Variants in ABCC4 observed in about 807,000 individuals in gnomAD.
The protein encoded by ABCC4 is ATP-binding cassette sub-family C member 4.
Under a neutral mutation model 168.5 loss-of-function variants are expected in ABCC4, and 102 were observed. The observed-to-expected ratio is 0.61, with a 90% CI of 0.52 to 0.71. The LOEUF is 0.71. Ranked by LOEUF, ABCC4 falls within the 30% of genes least tolerant of loss-of-function variation. ABCC4 has a pLI of 0.00. For missense variants in ABCC4, 1,402 were observed against 1,605.8 expected (o/e 0.87, Z 2.17); for synonymous variants, 617 against 590.7 (o/e 1.04, Z -0.65).
At chr13:95,298,599 C>A (rs2041596974) in intron 1 of ABCC4, among the ~76,000 whole-genome samples, 1 of 152,192 alleles carries the variant, frequency 6.6e-6, no homozygotes, top group African/African-American at 2.4e-5. Context: ...ATAGTTGTTA[C>A]ACATGCATCA....
chr13:95,202,923 G>A (rs1354327123), intron 8 of ABCC4, among the ~76,000 whole-genome samples: 5 of 152,180 alleles, frequency 3.3e-5, no homozygotes, highest in Admixed American at 2.6e-4. Flanking sequence ...GCCTCCAAAA[G>A]TGCTGGGATT....
At chr13:95,098,804 A>G (rs943848116) in intron 20 of ABCC4, among the ~76,000 whole-genome samples, 1 of 152,206 alleles carries the variant, frequency 6.6e-6, no homozygotes, top group Non-Finnish European at 1.5e-5. Context: ...CTCAATATTA[A>G]TCATCAAGGC....
intron 19 of ABCC4, among the ~76,000 whole-genome samples, chr13:95,116,215 G>T (rs1298457248): frequency 6.6e-6 from 1 of 152,170 alleles, no homozygotes; most frequent in East Asian, 1.9e-4. Flanking sequence ...GCAGGGAGTT[G>T]AAATGTGGCC....
chr13:95,289,753 T>C (rs1008187310), intron 1 of ABCC4, among the ~76,000 whole-genome samples: 2 of 152,184 alleles, frequency 1.3e-5, no homozygotes, highest in Non-Finnish European at 2.9e-5. Context: ...AAGCAGTTGA[T>C]CAGTGGTTCT....
chr13:95,054,829 T>C (rs1240868539), intron 26 of ABCC4, among the ~76,000 whole-genome samples: 1 of 152,136 alleles, frequency 6.6e-6, no homozygotes, highest in Non-Finnish European at 1.5e-5. Context: ...GGTAGACTTC[T>C]TTTTTCTCCA....
At chr13:95,194,144 G>C (rs1045697607) in intron 9 of ABCC4, among the ~76,000 whole-genome samples, 3 of 152,200 alleles carry the variant, frequency 2.0e-5, no homozygotes, top group African/African-American at 7.2e-5. Flanking sequence ...TACTTCTTGT[G>C]GGTGGCCCCT....
At chr13:95,121,653 C>T (rs2035575738) in intron 19 of ABCC4, among the ~76,000 whole-genome samples, 1 of 152,054 alleles carries the variant, frequency 6.6e-6, no homozygotes, top group Admixed American at 6.5e-5. Flanking sequence ...AAGCAATCTG[C>T]TCACCTCTGC....
intron 4 of ABCC4, among the ~76,000 whole-genome samples, chr13:95,218,908 AG>A (rs2039204498): frequency 6.0e-5 from 2 of 33,222 alleles, no homozygotes; most frequent in Non-Finnish European, 1.4e-4. Flanking sequence ...AGAGAGAAAG[AG>A]AGAGAGAGAG....
chr13:95,212,640 T>C (rs1669903396), intron 4 of ABCC4, among the ~76,000 whole-genome samples: 1 of 152,144 alleles, frequency 6.6e-6, no homozygotes, highest in African/African-American at 2.4e-5. Flanking sequence ...GGAGGGCTAC[T>C]TGTAAGTCGT....
intron 26 of ABCC4, among the ~76,000 whole-genome samples, chr13:95,057,438 C>T (rs2033106309): frequency 6.6e-6 from 1 of 152,160 alleles, no homozygotes; most frequent in Non-Finnish European, 1.5e-5. Context: ...CGGGGTTTTA[C>T]CATGTTGGCC....
intron 14 of ABCC4, among the ~76,000 whole-genome samples, chr13:95,169,799 G>A (rs1048925110): frequency 6.6e-6 from 1 of 152,196 alleles, no homozygotes; most frequent in Non-Finnish European, 1.5e-5. Context: ...AGGAAAGTGG[G>A]TGCTGTGACT....
Position 95,071,651 on chromosome 13 carries a change from T to C in ABCC4, c.3210+11A>G. ...CTGAAATTGAGAAGAGGCAAGATGC[T>C]TTAAACAAACCTTTTCTTGTGATTT... is the stretch of plus-strand genomic sequence containing the variant. On this transcript the variant is annotated intron_variant, in intron 25 of 30. Transcript: ENST00000645237. 7.1e-7 allele frequency: 1 copy of C among 1,411,550 alleles called. No individual in the cohort carries two copies. Among genetic ancestry groups the C allele is most frequent in the Non-Finnish European group, 9.3e-7 (1 of 1,077,168 alleles). 87.4% of individuals were successfully genotyped at this position (1,411,550 alleles called of 1,614,324 possible).
At chr13:95,185,245 G>A (rs564359748) in intron 11 of ABCC4, among the ~76,000 whole-genome samples, 1 of 152,134 alleles carries the variant, frequency 6.6e-6, no homozygotes, top group African/African-American at 2.4e-5. Flanking sequence ...GTGTGAGCGT[G>A]TGAGACAGAG....
intron 14 of ABCC4, among the ~76,000 whole-genome samples, chr13:95,168,325 T>G: frequency 6.6e-6 from 1 of 151,858 alleles, no homozygotes; most frequent in South Asian, 2.1e-4. Flanking sequence ...CCTGGGGGAG[T>G]GGGGAAGAGC....
intron 14 of ABCC4, among the ~76,000 whole-genome samples, chr13:95,167,969 T>A (rs890958852): frequency 6.6e-6 from 1 of 152,054 alleles, no homozygotes; most frequent in African/African-American, 2.4e-5. Context: ...CAGGTTCAAG[T>A]GATTCTCCTG....
At chr13:95,271,060 A>G (rs1246936871) in intron 1 of ABCC4, among the ~76,000 whole-genome samples, 4 of 152,110 alleles carry the variant, frequency 2.6e-5, no homozygotes. Context: ...GCGCCACTGC[A>G]CTCCAGCCTG....
chr13:95,180,831 T>C (rs1396320811), intron 11 of ABCC4, among the ~76,000 whole-genome samples: 4 of 152,230 alleles, frequency 2.6e-5, no homozygotes, highest in Non-Finnish European at 5.9e-5. Flanking sequence ...ATCTGTCTCA[T>C]TTCATGCAGA....
Position 95,161,403 on chromosome 13 carries a change from C to A in ABCC4, c.2309-68G>T, listed in dbSNP as rs962860304. On this transcript the variant is annotated intron_variant, in intron 18 of 30. Coordinates refer to ENST00000645237, the MANE Select transcript of ABCC4 (RefSeq NM_005845.5). ...GCATTTTCTTCAATAGTTGCTAAAG[C>A]AAGCCAGGTAGTTTATAAAGATGTT... 3.5e-5 allele frequency: 45 copies of A among 1,287,270 alleles called. No individual in the cohort carries two copies. The African/African-American group carries it at 6.3e-4, about 18-fold the overall frequency. The allele number at this position is 1,287,270 out of a possible 1,614,324, so 79.7% of individuals were successfully genotyped here.
chr13:95,293,611 T>G (rs542861071), intron 1 of ABCC4, among the ~76,000 whole-genome samples: 1 of 149,804 alleles, frequency 6.7e-6, no homozygotes, highest in African/African-American at 2.5e-5. Flanking sequence ...GGACTACAGG[T>G]GCATGCCACC....
Sources: allele counts gnomAD v4.1 joint callset (sites outside exome capture counted in the v4.1 genomes callset), GRCh38; gene constraint gnomAD v4.1.1; transcripts MANE v1.5; gene names NCBI Gene and HGNC (gene_info 2026-07-23, HGNC 2026-07-21).